The following ATP13A1 variants were observed in gnomAD, a reference collection of about 807,000 sequenced individuals.
ATP13A1 encodes the protein ATPase 13A1, also known as endoplasmic reticulum transmembrane helix translocase.
A neutral mutation model predicts 134.8 loss-of-function variants in ATP13A1; 55 were observed. The ratio of observed to expected loss-of-function variants is 0.41; its 90% CI spans 0.33 to 0.51. The LOEUF is 0.51. ATP13A1 is among the 20% of genes least tolerant of loss of function. The probability of loss-of-function intolerance (pLI) is 0.29; values close to 1 mark genes in which losing one functional copy is unlikely to be tolerated. For missense variants in ATP13A1, 1,389 were observed against 1,652.8 expected (o/e 0.84, Z 2.77); for synonymous variants, 775 against 725.1 (o/e 1.07, Z -1.10).
Position 19,656,831 on chromosome 19 carries a change from C to G in ATP13A1, c.976+16G>C. On this transcript the variant is annotated intron_variant, in intron 6 of 25. Coordinates refer to ENST00000357324, the MANE Select transcript of ATP13A1 (RefSeq NM_020410.3). This position sits in a 1 kb window ranked among gnomAD's most constrained non-coding sequence, Gnocchi z 4.6. ...GGCTGGGGCTCCCACTGGGACTGAG[C>G]GGAACCCGGCCTCACCGATGGAGAC... The G allele has an allele frequency of 6.2e-7, 1 of 1,611,756 alleles. No individual in the cohort carries two copies. The highest frequency in any genetic ancestry group is 8.5e-7 in the Non-Finnish European group (1 of 1,179,062).
chr19:19,663,046 C>T, intron 1 of ATP13A1: 1 of 735,200 alleles, frequency 1.4e-6, no homozygotes, highest in Non-Finnish European at 2.5e-6. Context: ...ATGACCATAA[C>T]AGGGAGGACT....
chr19:19,649,961 T>C, intron 17 of ATP13A1, 21 bp from the exon 18 acceptor site: 1 of 1,566,734 alleles, frequency 6.4e-7, no homozygotes, highest in Admixed American at 1.8e-5. Context: ...CACCTAGGGT[T>C]AGGGCTGGGG....
intron 12 of ATP13A1, among the ~76,000 whole-genome samples, chr19:19,654,907 G>C (rs1308065947): frequency 6.6e-6 from 1 of 152,206 alleles, no homozygotes; most frequent in African/African-American, 2.4e-5. Context: ...GTGGTGCATG[G>C]CTGGTGTGGG....
In ATP13A1 at chr19:19,655,556, G is replaced by A. The variant is rs779314060; in HGVS notation, c.1368C>T (p.Ile456=). 8.9e-5 allele frequency: 143 copies of A among 1,613,890 alleles called. No homozygotes were observed. Among genetic ancestry groups the A allele is most frequent in the African/African-American group, 1.7e-4 (13 of 74,932 alleles). ...CAATCCATACATAGGCAGCTGCAGCGATGGCAAACACCAGGAGGAAGAGGA... is the reference window on the plus strand; with the variant it reads ...CAATCCATACATAGGCAGCTGCAGCAATGGCAAACACCAGGAGGAAGAGGA... The part of the protein sequence containing the change: ...IFILFLLVFA[I]AAAAYVWIEG... Residue 456 remains isoleucine, a synonymous_variant, in exon 10 of 26, where the codon ATC becomes ATT. Transcript: ENST00000357324. This position sits in a 1 kb window ranked among gnomAD's most constrained non-coding sequence, Gnocchi z 5.7.
Position 19,653,937 on chromosome 19 carries a change from C to T in ATP13A1, c.1989+32G>A, listed in dbSNP as rs1338390210. On this transcript the variant is annotated intron_variant, in intron 14 of 25. Coordinates refer to ENST00000357324, the MANE Select transcript of ATP13A1 (RefSeq NM_020410.3). The surrounding 1 kb of genome is among the most constrained non-coding windows in gnomAD (Gnocchi z 4.2). ...GGATGTCACGGGCTGCCCCGCGCCC[C>T]CACCCCTTGCCCCAGGCTGGGGCCA... The T allele has an allele frequency of 1.3e-6, 2 of 1,576,902 alleles. No individual in the cohort carries two copies. The highest frequency in any genetic ancestry group is 1.7e-6 in the Non-Finnish European group (2 of 1,162,146).
At chr19:19,662,046 T>C (rs779236510) in intron 1 of ATP13A1, 1 of 1,566,050 alleles carries the variant, frequency 6.4e-7, no homozygotes, top group Non-Finnish European at 8.7e-7. Context: ...AGCGGCCCTT[T>C]CTGAGATCTG....
intron 4 of ATP13A1, 90 bp from the exon 5 acceptor site, chr19:19,657,239 G>GA: frequency 6.7e-7 from 1 of 1,489,864 alleles, no homozygotes; most frequent in East Asian, 2.5e-5. Context: ...TGAGGGTGGG[G>GA]AGAGGCTTCC....
At chr19:19,646,417 C>G in intron 22 of ATP13A1, 70 bp from the exon 23 acceptor site, 1 of 1,571,164 alleles carries the variant, frequency 6.4e-7, no homozygotes, top group Non-Finnish European at 8.7e-7. Flanking sequence ...ACACAGCAGG[C>G]AGTAACATCC....
At chr19:19,652,561 C>T in intron 16 of ATP13A1, 34 bp downstream of exon 16, 1 of 1,593,740 alleles carries the variant, frequency 6.3e-7, no homozygotes, top group Non-Finnish European at 8.5e-7. Context: ...CTCTATTTCC[C>T]ATGCAGAGGG....
chr19:19,662,370 G>A (rs2062100350), intron 1 of ATP13A1: 1 of 985,206 alleles, frequency 1.0e-6, no homozygotes. Context: ...CAGGGTGGGG[G>A]GCTTCTGTCT....
At position 19,649,586 on chromosome 19, in the gene ATP13A1, G is replaced by A. The variant is rs2062010768; in HGVS notation, c.2613C>T (p.Ala871=). 1 of 1,613,666 alleles carries A rather than the reference G, an allele frequency of 6.2e-7. No homozygotes were observed. The highest frequency in any genetic ancestry group is 8.5e-7 in the Non-Finnish European group (1 of 1,179,762). The change falls in exon 19 of 26, where the codon GCC becomes GCT. Residue 871 remains alanine, a synonymous_variant. Coordinates refer to ENST00000357324, the MANE Select transcript of ATP13A1 (RefSeq NM_020410.3). ...ACTCACCCACGTCAGCATGCTTCAG[G>A]GCGCCCACGTCGTTGGTGCCATCCC... The part of the protein sequence containing the change: ...MCGDGTNDVG[A]LKHADVGVAL...
In ATP13A1 at chr19:19,654,612, C is replaced by T. The variant is rs200199358; in HGVS notation, c.1744G>A (p.Asp582Asn). Reference protein sequence around the residue: ...ASCHSLMQLDDGTLVGDPLEK... With the variant: ...ASCHSLMQLDNGTLVGDPLEK... Reference sequence around the variant, plus strand: ...AGAGGGTCACCCACGAGGGTGCCGTCGTCCAGCTGCATGAGCGAGTGGCAC... The same window carrying T: ...AGAGGGTCACCCACGAGGGTGCCGTTGTCCAGCTGCATGAGCGAGTGGCAC... The change falls in exon 13 of 26, where the codon GAC (aspartate) becomes AAC (asparagine). Residue 582 changes from aspartate (D) to asparagine (N), a missense_variant. By Grantham distance (23) the Asp-to-Asn change is conservative (BLOSUM62 1). Transcript: ENST00000357324. The T allele has an allele frequency of 6.4e-5, 104 of 1,613,506 alleles. No individual in the cohort carries two copies. The highest frequency in any genetic ancestry group is 3.3e-4 in the South Asian group (30 of 91,082).
chr19:19,660,862 C>T (rs1199249648), intron 1 of ATP13A1, among the ~76,000 whole-genome samples: 2 of 151,662 alleles, frequency 1.3e-5, no homozygotes, highest in East Asian at 1.9e-4. Context: ...GGGGGGATCA[C>T]GAGGTCAGGA....
chr19:19,659,500 A>T (rs1440366388), intron 3 of ATP13A1, 101 bp downstream of exon 3: 2 of 637,612 alleles, frequency 3.1e-6, no homozygotes, highest in African/African-American at 3.8e-5. Context: ...TAAATAAATA[A>T]ATAAAAGGGC....
chr19:19,660,780 T>C lies in ATP13A1; in HGVS notation c.397-793A>G, dbSNP rs532332857. ...TCCAGCCTGGGCGACAGAGCAGGAC[T>C]CTGTCTCAAAATAAAAAGGCTGGGT... On this transcript the variant is annotated intron_variant, in intron 1 of 25. Transcript: ENST00000357324. Among the ~76,000 whole-genome samples, 150 of 145,268 alleles carry C rather than the reference T, an allele frequency of 1.0e-3. 2 individuals carry two copies. Among genetic ancestry groups the C allele is most frequent in the Non-Finnish European group, 1.7e-3 (112 of 66,782 alleles).
At chr19:19,661,149 G>C (rs1209356274) in intron 1 of ATP13A1, among the ~76,000 whole-genome samples, 3 of 152,070 alleles carry the variant, frequency 2.0e-5, no homozygotes, top group Admixed American at 2.0e-4. Context: ...AACAAAAAAA[G>C]CTGGGAAGCT....
intron 17 of ATP13A1, 163 bp from the exon 18 acceptor site, chr19:19,650,103 G>C (rs2062014744): frequency 4.6e-6 from 3 of 650,782 alleles, no homozygotes; most frequent in African/African-American, 3.7e-5. Flanking sequence ...ACTCCACAAA[G>C]AATGTCCCTC....
chr19:19,652,585 C>G lies in ATP13A1; in HGVS notation c.2226+10G>C. ...CCATGCAGAGGGTGGAGCCGAGCAC[C>G]GTCCCATACCCGGTGGGACGCATTC... On this transcript the variant is annotated intron_variant, in intron 16 of 25. Transcript: ENST00000357324. 2 of 1,606,020 alleles carry G rather than the reference C, an allele frequency of 1.2e-6. No individual in the cohort carries two copies. Among genetic ancestry groups the G allele is most frequent in the Non-Finnish European group, 1.7e-6 (2 of 1,176,686 alleles).
chr19:19,662,397 G>A (rs2062100534), intron 1 of ATP13A1: 6 of 980,230 alleles, frequency 6.1e-6, no homozygotes, highest in Non-Finnish European at 7.3e-6. Flanking sequence ...AGCCCTTGAT[G>A]CTGTTCCCTT....
Sources: gnomAD v4.1 joint callset for allele counts (sites outside exome capture counted in the v4.1 genomes callset) on GRCh38, gnomAD v4.1.1 for gene constraint, Gnocchi (gnomAD v3.1) non-coding constraint, MANE v1.5 for transcripts, NCBI Gene and HGNC (gene_info 2026-07-23, HGNC 2026-07-21) for gene names.